The following CEACAM5 variants were observed in gnomAD, a reference collection of about 807,000 sequenced individuals.
CEACAM5 encodes cell adhesion molecule CEACAM5.
Under a neutral mutation model 63.0 loss-of-function variants are expected in CEACAM5, and 52 were observed. The ratio of observed to expected loss-of-function variants is 0.83; its 90% CI spans 0.66 to 1.04. The LOEUF (loss-of-function observed/expected upper bound fraction) is 1.04. Ranked by LOEUF, CEACAM5 falls within the 50% of genes least tolerant of loss-of-function variation. CEACAM5 has a pLI of 0.00. For missense variants in CEACAM5, 790 were observed against 864.8 expected (o/e 0.91, Z 1.08); for synonymous variants, 357 against 351.3 (o/e 1.02, Z -0.18).
intron 2 of CEACAM5, 120 bp from the exon 3 acceptor site, chr19:41,714,851 C>G (rs1242142217): frequency 3.2e-6 from 5 of 1,541,814 alleles, no homozygotes; most frequent in African/African-American, 2.7e-5. Flanking sequence ...CATGCACCCA[C>G]CGTGGGTTTT....
At position 41,717,447 on chromosome 19, in the gene CEACAM5, C is replaced by A. The variant is rs1303282232; in HGVS notation, c.959-8C>A. 2 of 1,610,248 alleles carry A rather than the reference C, an allele frequency of 1.2e-6. No individual in the cohort carries two copies. Among genetic ancestry groups the A allele is most frequent in the Admixed American group, 3.3e-5 (2 of 59,902 alleles). Reference sequence around the variant, plus strand: ...CACAGGGCAATCTTCTCTCTGTTATCTGCACAGCAGAGCCACCCAAACCCT... The same window carrying A: ...CACAGGGCAATCTTCTCTCTGTTATATGCACAGCAGAGCCACCCAAACCCT... On this transcript the variant is annotated splice_polypyrimidine_tract_variant and splice_region_variant and intron_variant, in intron 4 of 9. Transcript: ENST00000221992.
In CEACAM5 at chr19:41,718,152, C is replaced by T. The variant is rs150455412; in HGVS notation, c.1262C>T (p.Ser421Phe). The T allele has an allele frequency of 6.1e-5, 98 of 1,614,192 alleles. No individual in the cohort carries two copies. The African/African-American group carries it at 1.2e-3, about 20-fold the overall frequency. Residue 421 changes from serine to phenylalanine, a missense_variant, in exon 6 of 10, where the codon TCC becomes TTC. Coordinates refer to ENST00000221992, the MANE Select transcript of CEACAM5 (RefSeq NM_004363.6). ...VLYGPDDPTI[S>F]PSYTYYRPGV... Reference sequence around the variant, plus strand: ...GATGGCCCAGACGACCCCACCATTTCCCCCTCATACACCTATTACCGTCCA... The same window carrying T: ...GATGGCCCAGACGACCCCACCATTTTCCCCTCATACACCTATTACCGTCCA...
At chr19:41,727,034 G>A (rs1328970702) in intron 8 of CEACAM5, among the ~76,000 whole-genome samples, 200 bp from the exon 9 acceptor site, 1 of 152,212 alleles carries the variant, frequency 6.6e-6, no homozygotes, top group Non-Finnish European at 1.5e-5. Flanking sequence ...AGACAGGCCA[G>A]GGTGGAATTG....
chr19:41,715,949 T>C (rs1555814998), intron 4 of CEACAM5, 45 bp downstream of exon 4: 1 of 1,590,666 alleles, frequency 6.3e-7, no homozygotes, highest in East Asian at 2.2e-5. Context: ...TGAGGTGGAG[T>C]CTGTCTGGTT....
chr19:41,714,661 T>C (rs1555814566), intron 2 of CEACAM5, among the ~76,000 whole-genome samples: 1 of 152,224 alleles, frequency 6.6e-6, no homozygotes, highest in African/African-American at 2.4e-5. Flanking sequence ...AGTAGTCAAC[T>C]GGTCAGGGAG....
intron 7 of CEACAM5, 102 bp from the exon 8 acceptor site, chr19:41,720,820 G>A: frequency 6.8e-7 from 1 of 1,472,132 alleles, no homozygotes; most frequent in Non-Finnish European, 9.3e-7. Context: ...TTTTAACACA[G>A]GATTGGGACA....
At chr19:41,726,523 G>T (rs1300484077) in intron 8 of CEACAM5, among the ~76,000 whole-genome samples, 6 of 152,218 alleles carry the variant, frequency 3.9e-5, no homozygotes. Flanking sequence ...CATCCACTGA[G>T]ATTCAGCCAA....
intron 8 of CEACAM5, among the ~76,000 whole-genome samples, chr19:41,721,774 C>T (rs1340560291): frequency 1.3e-5 from 2 of 152,220 alleles, no homozygotes; most frequent in Non-Finnish European, 2.9e-5. Context: ...GCTGCCAATC[C>T]ACAGCAGAGC....
At chr19:41,714,916 C>T in intron 2 of CEACAM5, 55 bp from the exon 3 acceptor site, 2 of 1,610,594 alleles carry the variant, frequency 1.2e-6, no homozygotes, top group Non-Finnish European at 1.7e-6. Context: ...TGAAAGATGC[C>T]TGTGAGGAAT....
intron 8 of CEACAM5, among the ~76,000 whole-genome samples, chr19:41,725,033 G>A (rs1473759173): frequency 6.6e-6 from 1 of 151,960 alleles, no homozygotes; most frequent in Non-Finnish European, 1.5e-5. Context: ...TCTTGTTCCT[G>A]GTCTTACAGG....
chr19:41,723,051 G>A (rs1555816529), intron 8 of CEACAM5, among the ~76,000 whole-genome samples: 1 of 151,956 alleles, frequency 6.6e-6, no homozygotes, highest in African/African-American at 2.4e-5. Flanking sequence ...GGGACTACAG[G>A]TGCCCGCCAA....
chr19:41,716,615 G>T (rs2072531015), intron 4 of CEACAM5, among the ~76,000 whole-genome samples: 1 of 152,192 alleles, frequency 6.6e-6, no homozygotes, highest in Admixed American at 6.5e-5. Flanking sequence ...GAGGCTGTGG[G>T]CACAGCACAT....
chr19:41,720,862 A>G (rs1422183685), intron 7 of CEACAM5, 60 bp from the exon 8 acceptor site: 65 of 1,594,602 alleles, frequency 4.1e-5, no homozygotes, highest in Non-Finnish European at 5.6e-5. Flanking sequence ...CCCTTCTACA[A>G]TCAGGAGCTT....
At position 41,721,048 on chromosome 19, in the gene CEACAM5, C is replaced by T. The variant is rs782558080; in HGVS notation, c.1898C>T (p.Pro633Leu). 3.1e-6 allele frequency: 5 copies of T among 1,614,166 alleles called. No individual in the cohort carries two copies. Among genetic ancestry groups the T allele is most frequent in the South Asian group, 1.1e-5 (1 of 91,082 alleles). Residue 633 changes from proline to leucine, a missense_variant, in exon 8 of 10, where the codon CCG becomes CTG. Physicochemically the swap from Pro to Leu is moderately conservative, Grantham distance 98. Coordinates refer to ENST00000221992, the MANE Select transcript of CEACAM5 (RefSeq NM_004363.6). Reference sequence around the variant, plus strand: ...TATTCTTGGCGTATCAATGGGATACCGCAGCAACACACACAAGTTCTCTTT... The same window carrying T: ...TATTCTTGGCGTATCAATGGGATACTGCAGCAACACACACAAGTTCTCTTT... ...PQYSWRINGI[P>L]QQHTQVLFIA... is the part of the protein sequence containing the mutation.
Position 41,715,655 on chromosome 19 carries a change from C to A in CEACAM5, c.709C>A (p.Pro237Thr), listed in dbSNP as rs1555814888. 1.2e-6 allele frequency: 2 copies of A among 1,614,160 alleles called. No homozygotes were observed. The highest frequency in any genetic ancestry group is 1.7e-6 in the Non-Finnish European group (2 of 1,180,028). ...CTTTATTTTGTTTGCTCCAGATGGC[C>A]CGGATGCCCCCACCATTTCCCCTCT... ...DSVILNVLYG[P>T]DAPTISPLNT... is the part of the protein sequence containing the mutation. The change falls in exon 4 of 10, where the codon CCG (proline) becomes ACG (threonine). Residue 237 changes from proline to threonine, a missense_variant. Pro to Thr is a conservative substitution (Grantham distance 38, BLOSUM62 -1). Coordinates refer to ENST00000221992, the MANE Select transcript of CEACAM5 (RefSeq NM_004363.6).
chr19:41,709,590 A>G, intron 1 of CEACAM5, 90 bp from the exon 2 acceptor site: 2 of 1,527,598 alleles, frequency 1.3e-6, no homozygotes. Context: ...GGGCTGGGGG[A>G]TGAAGAGACC....
At position 41,715,747 on chromosome 19, in the gene CEACAM5, A is replaced by C. The variant is rs1555814918; in HGVS notation, c.801A>C (p.Ala267=). 4.3e-6 allele frequency: 7 copies of C among 1,614,216 alleles called. No individual in the cohort carries two copies. The highest frequency in any genetic ancestry group is 5.9e-6 in the Non-Finnish European group (7 of 1,180,028). ...LSCHAASNPP[A]QYSWFVNGTF... ...GCCACGCAGCCTCTAACCCACCTGC[A>C]CAGTACTCTTGGTTTGTCAATGGGA... is the stretch of plus-strand genomic sequence containing the variant. Residue 267 remains alanine, a synonymous_variant, in exon 4 of 10, where the codon GCA becomes GCC. Coordinates refer to ENST00000221992, the MANE Select transcript of CEACAM5 (RefSeq NM_004363.6).
chr19:41,711,723 T>G (rs1276054649), intron 2 of CEACAM5, among the ~76,000 whole-genome samples: 1 of 152,146 alleles, frequency 6.6e-6, no homozygotes, highest in African/African-American at 2.4e-5. Context: ...CTGACTTTCT[T>G]CTATTCCTCC....
intron 4 of CEACAM5, 77 bp downstream of exon 4, chr19:41,715,981 C>T (rs2072520823): frequency 2.0e-6 from 3 of 1,531,944 alleles, no homozygotes; most frequent in African/African-American, 1.4e-5. Flanking sequence ...GCCAGGAAGA[C>T]ATTTTCTATC....
Sources: gnomAD v4.1 joint callset for allele counts (sites outside exome capture counted in the v4.1 genomes callset) on GRCh38, gnomAD v4.1.1 for gene constraint, MANE v1.5 for transcripts, NCBI Gene and HGNC (gene_info 2026-07-23, HGNC 2026-07-21) for gene names.